The following LHFPL2 variants were observed in gnomAD, a reference collection of about 807,000 sequenced individuals.
LHFPL2 encodes the protein LHFPL tetraspan subfamily member 2.
Under a neutral mutation model 17.5 loss-of-function variants are expected in LHFPL2, and 7 were observed. The observed-to-expected ratio is 0.40, with a 90% CI of 0.23 to 0.75. The LOEUF is 0.75. Among genes scored for constraint, LHFPL2 ranks in the 30% least tolerant of loss-of-function variants. LHFPL2 has a pLI of 0.37. For synonymous variants in LHFPL2, 134 were observed against 116.2 expected, an observed-to-expected ratio of 1.15 and a Z score of -0.99; for missense variants, 241 against 294.8, an observed-to-expected ratio of 0.82 and a Z score of 1.34.
chr5:78,608,947 AT>A (rs1424171201), intron 2 of LHFPL2, among the ~76,000 whole-genome samples: 8 of 151,802 alleles, frequency 5.3e-5, no homozygotes, highest in Admixed American at 1.3e-4. Context: ...AAAAAAAAAA[AT>A]ACATTAGAGA....
intron 2 of LHFPL2, among the ~76,000 whole-genome samples, chr5:78,594,196 T>G (rs1743747895): frequency 6.6e-6 from 1 of 152,194 alleles, no homozygotes; most frequent in Non-Finnish European, 1.5e-5. Flanking sequence ...TGGCTATTTC[T>G]GTAACACTAG....
rs1410574833 is a variant in LHFPL2, at chr5:78,581,476, AATTT to A, written c.-244-16609_-244-16606del. ...TTTGAGATACGTCCCATCAATACCT[AATTT>A]ATTGAGAGTTTTTAGCATGAAGTTG... On this transcript the variant is annotated intron_variant, in intron 2 of 4. Coordinates refer to ENST00000380345, the MANE Select transcript of LHFPL2 (RefSeq NM_005779.3). 1.1e-4 allele frequency among the ~76,000 whole-genome samples: 16 copies of A among 152,226 alleles called. 1 individual carries two copies. The East Asian group carries it at 3.1e-3, about 29-fold the overall frequency.
Position 78,648,193 on chromosome 5 carries a change from G to A in LHFPL2, c.-350+306C>T, listed in dbSNP as rs1745955925. Among the ~76,000 whole-genome samples the A allele has an allele frequency of 6.6e-6, 1 of 152,154 alleles. No homozygotes were observed. The highest frequency in any genetic ancestry group is 1.5e-5 in the Non-Finnish European group (1 of 68,006). ...GCGACGCCCAGAGAGCAGGGCTCGCGCCGGCTTCCCGAGGAGACGCTGTTC... is the reference window on the plus strand; with the variant it reads ...GCGACGCCCAGAGAGCAGGGCTCGCACCGGCTTCCCGAGGAGACGCTGTTC... On this transcript the variant is annotated intron_variant, in intron 1 of 4. Coordinates refer to ENST00000380345, the MANE Select transcript of LHFPL2 (RefSeq NM_005779.3). The surrounding 1 kb of genome is among the most constrained non-coding windows in gnomAD (Gnocchi z 5.4).
intron 4 of LHFPL2, among the ~76,000 whole-genome samples, chr5:78,493,534 G>A (rs765475505): frequency 4.6e-5 from 7 of 152,208 alleles, no homozygotes; most frequent in Non-Finnish European, 8.8e-5. Flanking sequence ...TCTAATGCCT[G>A]TGCTTAGAAT....
chr5:78,643,314 A>G (rs1745745043), intron 1 of LHFPL2, among the ~76,000 whole-genome samples: 1 of 152,234 alleles, frequency 6.6e-6, no homozygotes, highest in South Asian at 2.1e-4. Context: ...TGATGAACCA[A>G]GTATTCACTC....
chr5:78,496,154 C>T (rs889490626), intron 4 of LHFPL2, among the ~76,000 whole-genome samples: 4 of 152,238 alleles, frequency 2.6e-5, no homozygotes, highest in African/African-American at 9.6e-5. Context: ...GGGCATTACT[C>T]TCAACCCTGA....
At chr5:78,616,416 C>CAT (rs1744617055) in intron 2 of LHFPL2, among the ~76,000 whole-genome samples, 1 of 152,070 alleles carries the variant, frequency 6.6e-6, no homozygotes, top group East Asian at 1.9e-4. Flanking sequence ...CATGAACCAC[C>CAT]GCGTCCATCC....
intron 2 of LHFPL2, among the ~76,000 whole-genome samples, chr5:78,602,333 T>C (rs1316111783): frequency 6.6e-6 from 1 of 152,244 alleles, no homozygotes; most frequent in Non-Finnish European, 1.5e-5. Flanking sequence ...ATGCAGTATT[T>C]GCAAAACCGA....
chr5:78,618,474 G>A (rs1744700611), intron 2 of LHFPL2, among the ~76,000 whole-genome samples: 1 of 152,196 alleles, frequency 6.6e-6, no homozygotes, highest in African/African-American at 2.4e-5. Flanking sequence ...TGGTTTGCAT[G>A]TCAGTGGGGA....
At position 78,569,737 on chromosome 5, in the gene LHFPL2, C is replaced by T. The variant is rs1187022719; in HGVS notation, c.-244-4866G>A. Among the ~76,000 whole-genome samples, 3 of 152,178 alleles carry T rather than the reference C, an allele frequency of 2.0e-5. No homozygotes were observed. In the East Asian group the frequency reaches 5.8e-4, roughly 29 times the overall value. ...CTGGGAACCTGAACCCCAACAACGC[C>T]GGCCCTGCCACTCAACCACAGTGGT... On this transcript the variant is annotated intron_variant, in intron 2 of 4. Coordinates refer to ENST00000380345, the MANE Select transcript of LHFPL2 (RefSeq NM_005779.3).
intron 4 of LHFPL2, among the ~76,000 whole-genome samples, chr5:78,499,481 CAAATT>C (rs1045127970): frequency 7.2e-5 from 11 of 152,314 alleles, no homozygotes; most frequent in African/African-American, 2.6e-4. Flanking sequence ...GACAGGGACT[CAAATT>C]AGAGAATCTG....
intron 4 of LHFPL2, among the ~76,000 whole-genome samples, chr5:78,508,795 T>C (rs1056063719): frequency 2.6e-5 from 4 of 152,220 alleles, no homozygotes; most frequent in Non-Finnish European, 5.9e-5. Context: ...GTGGGTAACT[T>C]TGTCCTGTTA....
At chr5:78,607,333 G>A (rs901568169) in intron 2 of LHFPL2, among the ~76,000 whole-genome samples, 5 of 151,856 alleles carry the variant, frequency 3.3e-5, no homozygotes, top group African/African-American at 4.8e-5. Flanking sequence ...GGCTGGTCTT[G>A]AACTCCTGAC....
intron 3 of LHFPL2, among the ~76,000 whole-genome samples, chr5:78,523,274 T>A (rs910169005): frequency 2.0e-5 from 3 of 152,156 alleles, no homozygotes; most frequent in Non-Finnish European, 4.4e-5. Context: ...CTCGTACCCA[T>A]TCGAATTCAC....
At chr5:78,634,167 G>GT (rs1370549330) in intron 1 of LHFPL2, among the ~76,000 whole-genome samples, 1 of 152,196 alleles carries the variant, frequency 6.6e-6, no homozygotes, top group East Asian at 1.9e-4. Context: ...TCACATTCTT[G>GT]TTTGTGTTTT....
At chr5:78,500,863 T>C (rs773495597) in intron 4 of LHFPL2, among the ~76,000 whole-genome samples, 3 of 152,180 alleles carry the variant, frequency 2.0e-5, no homozygotes, top group Non-Finnish European at 4.4e-5. Flanking sequence ...ACTTATGCCA[T>C]AACTGTCTAG....
At chr5:78,634,208 TA>T (rs2112517540) in intron 1 of LHFPL2, among the ~76,000 whole-genome samples, 1 of 152,294 alleles carries the variant, frequency 6.6e-6, no homozygotes, top group East Asian at 1.9e-4. Flanking sequence ...CAAAAGGGGT[TA>T]GGGGGCGGTG....
chr5:78,540,276 G>T (rs980027814), intron 3 of LHFPL2, among the ~76,000 whole-genome samples: 2 of 152,186 alleles, frequency 1.3e-5, no homozygotes, highest in African/African-American at 4.8e-5. Flanking sequence ...GGACTGAATT[G>T]GGTCACTGTC....
intron 2 of LHFPL2, among the ~76,000 whole-genome samples, chr5:78,609,766 A>C (rs561181661): frequency 2.1e-4 from 32 of 152,118 alleles, no homozygotes; most frequent in African/African-American, 7.7e-4. Context: ...TACAATAAGC[A>C]CTTTCTCTTT....
Sources: gnomAD v4.1 joint callset for allele counts (sites outside exome capture counted in the v4.1 genomes callset) on GRCh38, gnomAD v4.1.1 for gene constraint, Gnocchi (gnomAD v3.1) non-coding constraint, MANE v1.5 for transcripts, NCBI Gene and HGNC (gene_info 2026-07-23, HGNC 2026-07-21) for gene names.